Variants in MID1 observed in about 807,000 individuals in gnomAD.
The protein encoded by MID1 is E3 ubiquitin-protein ligase Midline-1.
A neutral mutation model predicts 40.4 loss-of-function variants in MID1; 7 were observed. The ratio of observed to expected loss-of-function variants is 0.17; its 90% CI spans 0.10 to 0.33. MID1 has a LOEUF of 0.33. Among genes scored for constraint, MID1 ranks in the 10% least tolerant of loss-of-function variants. The pLI is 1.00. For synonymous variants in MID1, 229 were observed against 221.2 expected (o/e 1.04, Z -0.31); for missense variants, 367 against 558.5 (o/e 0.66, Z 3.46).
At chrX:10,522,442 T>A (rs965260821) in intron 3 of MID1, among the ~76,000 whole-genome samples, 5 of 112,437 alleles carry the variant, frequency 4.4e-5, no homozygotes, top group African/African-American at 1.6e-4. Context: ...TAAATTAGTC[T>A]TGTTTCATAC....
chrX:10,636,738 T>C (rs895191207), intron 1 of MID1, among the ~76,000 whole-genome samples: 1 of 93,959 alleles, frequency 1.1e-5, no homozygotes, highest in Non-Finnish European at 2.1e-5. Flanking sequence ...CAATCACAGA[T>C]GGACTATGGA....
chrX:10,467,159 G>A (rs1281050110), intron 7 of MID1, among the ~76,000 whole-genome samples: 1 of 111,775 alleles, frequency 8.9e-6, no homozygotes, highest in Non-Finnish European at 1.9e-5. Flanking sequence ...AAAAAGGAAT[G>A]AGGCAGTTCT....
intron 1 of MID1, among the ~76,000 whole-genome samples, chrX:10,728,922 G>T (rs947398093): frequency 1.8e-5 from 2 of 111,724 alleles, no homozygotes; most frequent in Non-Finnish European, 3.8e-5. Flanking sequence ...AATAGGCAGC[G>T]TGTTTCCCAT....
chrX:10,828,797 G>A (rs2044232764), intron 1 of MID1, among the ~76,000 whole-genome samples: 1 of 112,434 alleles, frequency 8.9e-6, no homozygotes, highest in South Asian at 3.7e-4. Context: ...TTTACTTGAC[G>A]ATGTGCCTAA....
intron 1 of MID1, among the ~76,000 whole-genome samples, chrX:10,711,513 T>C (rs1284942282): frequency 8.9e-6 from 1 of 112,446 alleles, no homozygotes; most frequent in Non-Finnish European, 1.9e-5. Flanking sequence ...TGATCCCATA[T>C]ACAATAGGAA....
intron 1 of MID1, among the ~76,000 whole-genome samples, chrX:10,590,163 G>A (rs776950771): frequency 1.8e-5 from 2 of 111,396 alleles, no homozygotes; most frequent in Non-Finnish European, 3.8e-5. Flanking sequence ...GGTCAGGGGT[G>A]GAATTTTAAC....
chrX:10,782,969 C>A (rs2043857050), intron 1 of MID1, among the ~76,000 whole-genome samples: 1 of 111,696 alleles, frequency 9.0e-6, no homozygotes, highest in South Asian at 3.8e-4. Context: ...AACAAGCTCT[C>A]CAGGTGCATG....
intron 1 of MID1, among the ~76,000 whole-genome samples, chrX:10,815,967 G>C (rs1005077012): frequency 1.8e-5 from 2 of 111,226 alleles, no homozygotes; most frequent in Non-Finnish European, 3.8e-5. Flanking sequence ...GGAGGTCTGT[G>C]GACCAACAGC....
At chrX:10,469,958 C>T in intron 6 of MID1, 118 bp from the exon 7 acceptor site, 1 of 650,932 alleles carries the variant, frequency 1.5e-6, no homozygotes, top group Non-Finnish European at 2.4e-6. Context: ...GACTACTATC[C>T]TAGAGATGGT....
chrX:10,527,621 A>G (rs1281298573), intron 2 of MID1, among the ~76,000 whole-genome samples: 2 of 111,094 alleles, frequency 1.8e-5, no homozygotes, highest in Non-Finnish European at 3.8e-5. Flanking sequence ...TTTTCACCCC[A>G]GGGCCTTACC....
chrX:10,830,311 C>A (rs780646230), intron 1 of MID1, among the ~76,000 whole-genome samples: 5 of 112,313 alleles, frequency 4.5e-5, no homozygotes, highest in Non-Finnish European at 7.5e-5. Flanking sequence ...CATCTTGCAC[C>A]ATTCAGGTAA....
intron 1 of MID1, among the ~76,000 whole-genome samples, chrX:10,698,656 T>A (rs764453034): frequency 6.6e-5 from 7 of 106,545 alleles, no homozygotes; most frequent in Non-Finnish European, 1.3e-4. Flanking sequence ...CCACAAAATA[T>A]GCTACTTTGT....
chrX:10,469,673 A>T lies in MID1; in HGVS notation c.1285+24T>A, dbSNP rs751118518. On this transcript the variant is annotated intron_variant, in intron 7 of 9. Transcript: ENST00000317552. The stretch of plus-strand genomic sequence containing the variant: ...CTGAAGAAAGCCACCAAAGACAGAA[A>T]TAAATAGGCCATGAGATACTCACTA... 3 of 1,211,860 alleles carry T rather than the reference A, an allele frequency of 2.5e-6. No homozygotes were observed. The East Asian group carries it at 8.9e-5, about 36-fold the overall frequency.
chrX:10,634,891 A>AT lies in MID1; in HGVS notation c.-186-14473dup, dbSNP rs779118256. Among the ~76,000 whole-genome samples the AT allele has an allele frequency of 4.1e-3, 434 of 107,091 alleles. 2 individuals are homozygous for AT. Among genetic ancestry groups the AT allele is most frequent in the Non-Finnish European group, 5.3e-3 (273 of 51,884 alleles). 93.0% of individuals were successfully genotyped at this position (107,091 alleles called of 115,157 possible). On this transcript the variant is annotated intron_variant, in intron 1 of 10. Transcript: ENST00000380785. ...TCCCAGGGCCTGGGGCCACGTTATG[A>AT]TTTTCTGCGCCTGAGTCCCCCGTCT... is the stretch of plus-strand genomic sequence containing the variant.
At chrX:10,583,300 T>C (rs1403882113) in intron 1 of MID1, among the ~76,000 whole-genome samples, 4 of 112,444 alleles carry the variant, frequency 3.6e-5, no homozygotes, top group South Asian at 3.7e-4. Flanking sequence ...GATGACATGA[T>C]AGAAGGTAGA....
chrX:10,478,676 A>G (rs1363017043), intron 5 of MID1, among the ~76,000 whole-genome samples: 2 of 112,214 alleles, frequency 1.8e-5, no homozygotes, highest in African/African-American at 6.5e-5. Context: ...AGCATCTCCT[A>G]CAATGTAAAG....
chrX:10,751,362 A>G (rs1355353854), intron 1 of MID1, among the ~76,000 whole-genome samples: 2 of 111,618 alleles, frequency 1.8e-5, no homozygotes, highest in East Asian at 5.6e-4. Context: ...GGTCTTGGCC[A>G]GGCATGGTGG....
At chrX:10,520,213 T>C (rs933610270) in intron 3 of MID1, among the ~76,000 whole-genome samples, 3 of 111,808 alleles carry the variant, frequency 2.7e-5, no homozygotes, top group African/African-American at 9.8e-5. Context: ...TCTCAAACCA[T>C]ACTCCATCTA....
chrX:10,461,072 T>G (rs996853247), intron 7 of MID1, among the ~76,000 whole-genome samples: 2 of 80,469 alleles, frequency 2.5e-5, no homozygotes, highest in Non-Finnish European at 4.6e-5. Context: ...CAAGTACACA[T>G]CAGTGAATTA....
Sources: gnomAD v4.1 joint callset for allele counts (sites outside exome capture counted in the v4.1 genomes callset) on GRCh38, gnomAD v4.1.1 for gene constraint, MANE v1.5 for transcripts, NCBI Gene and HGNC (gene_info 2026-07-23, HGNC 2026-07-21) for gene names.